Variants in HAS2 observed in about 807,000 individuals in gnomAD.
The protein encoded by HAS2 is hyaluronan synthase 2.
Under a neutral mutation model 51.6 loss-of-function variants are expected in HAS2, and 16 were observed. The observed-to-expected ratio is 0.31, with a 90% confidence interval of 0.21 to 0.47. HAS2 has a LOEUF of 0.47. Among genes scored for constraint, HAS2 ranks in the 20% least tolerant of loss-of-function variants. The pLI is 1.00. For missense variants in HAS2, 361 were observed against 662.6 expected, an observed-to-expected ratio of 0.54 and a Z score of 5.00; for synonymous variants, 228 against 235.5, an observed-to-expected ratio of 0.97 and a Z score of 0.29.
At chr8:121,637,064 T>C (rs1813019414) in intron 1 of HAS2, among the ~76,000 whole-genome samples, 1 of 152,226 alleles carries the variant, frequency 6.6e-6, no homozygotes, top group South Asian at 2.1e-4. Flanking sequence ...ATTAGATATA[T>C]GTATGTAAAC....
At position 121,622,625 on chromosome 8, in the gene HAS2, GGACA is replaced by G. The variant is rs527625044; in HGVS notation, c.628-5423_628-5420del. Among the ~76,000 whole-genome samples, 877 of 150,990 alleles carry G rather than the reference GGACA, an allele frequency of 5.8e-3. 5 individuals are homozygous for G. Among genetic ancestry groups the G allele is most frequent in the Non-Finnish European group, 8.6e-3 (584 of 67,822 alleles). On this transcript the variant is annotated intron_variant, in intron 2 of 3. Transcript: ENST00000303924. ...AGATTTGGGGGAAACAAAACAGTGA[GGACA>G]GAAGTTGACTTTATAAAGATGGAAT...
chr8:121,628,008 A>G (rs1044992148), intron 2 of HAS2, among the ~76,000 whole-genome samples: 14 of 152,278 alleles, frequency 9.2e-5, no homozygotes, highest in African/African-American at 2.9e-4. Context: ...GAACCCCTAT[A>G]GTGAGCTTTC....
intron 1 of HAS2, among the ~76,000 whole-genome samples, chr8:121,636,238 C>A (rs1813006284): frequency 6.6e-6 from 1 of 152,130 alleles, no homozygotes; most frequent in South Asian, 2.1e-4. Context: ...CACATTGATA[C>A]CCATCCCTGA....
At chr8:121,618,060 G>T (rs111558271) in intron 2 of HAS2, among the ~76,000 whole-genome samples, 156 of 151,098 alleles carry the variant, frequency 1.0e-3, no homozygotes, top group Middle Eastern at 3.4e-3. Context: ...AAAATTTTTG[G>T]AATTAGTTTA....
intron 2 of HAS2, among the ~76,000 whole-genome samples, chr8:121,627,272 T>A (rs982212476): frequency 6.6e-6 from 1 of 152,184 alleles, no homozygotes. Context: ...TAGCCTATTA[T>A]CCTCTCATCT....
intron 1 of HAS2, among the ~76,000 whole-genome samples, chr8:121,637,218 A>G (rs902602577): frequency 6.6e-6 from 1 of 152,148 alleles, no homozygotes; most frequent in African/African-American, 2.4e-5. Flanking sequence ...TATCTGCAGT[A>G]CAGATGTATT....
At chr8:121,617,073 AAAAC>A (rs752032301) in intron 3 of HAS2, 28 bp downstream of exon 3, 19 of 1,226,550 alleles carry the variant, frequency 1.5e-5, no homozygotes, top group Non-Finnish European at 2.2e-5. Context: ...TATTTCATGC[AAAAC>A]AAACAAACAA....
chr8:121,634,149 A>T (rs1350531548), intron 1 of HAS2, among the ~76,000 whole-genome samples: 2 of 151,646 alleles, frequency 1.3e-5, no homozygotes, highest in Non-Finnish European at 2.9e-5. Context: ...ACCTCAGGTG[A>T]TCCACCTGGT....
intron 2 of HAS2, among the ~76,000 whole-genome samples, chr8:121,622,809 G>A (rs1161261258): frequency 6.6e-6 from 1 of 151,710 alleles, no homozygotes; most frequent in African/African-American, 2.4e-5. Flanking sequence ...CTATTTATGT[G>A]AATTCTAGAT....
chr8:121,623,967 C>G (rs560171931), intron 2 of HAS2, among the ~76,000 whole-genome samples: 1 of 152,290 alleles, frequency 6.6e-6, no homozygotes, highest in South Asian at 2.1e-4. Flanking sequence ...GCCAGGAACA[C>G]TGAACTGGAA....
At chr8:121,618,002 C>CAAAA (rs11356339) in intron 2 of HAS2, among the ~76,000 whole-genome samples, 1 of 126,376 alleles carries the variant, frequency 7.9e-6, no homozygotes, top group Admixed American at 8.2e-5. Flanking sequence ...TTCTATGAGC[C>CAAAA]AAAAAAAAAA....
intron 2 of HAS2, among the ~76,000 whole-genome samples, chr8:121,627,108 A>G (rs949877047): frequency 7.2e-5 from 11 of 152,230 alleles, no homozygotes; most frequent in Non-Finnish European, 1.3e-4. Flanking sequence ...AAAAACCCTC[A>G]AACAATGAGG....
At position 121,613,949 on chromosome 8, in the gene HAS2, A is replaced by T; in HGVS notation, c.*160T>A. The T allele has an allele frequency of 3.0e-6, 3 of 999,626 alleles. No individual in the cohort carries two copies. The highest frequency in any genetic ancestry group is 4.4e-6 in the Non-Finnish European group (3 of 674,970). The allele number at this position is 999,626 out of a possible 1,614,324, so 61.9% of individuals were successfully genotyped here. On this transcript the variant is annotated 3_prime_UTR_variant, in exon 4 of 4. Coordinates refer to ENST00000303924, the MANE Select transcript of HAS2 (RefSeq NM_005328.3). ...TTTCTTCTTGTTGATGTATTGTTTT[A>T]CTTTGGCAGAATGAAAATAAACCCA...
chr8:121,627,297 A>T (rs573430363), intron 2 of HAS2, among the ~76,000 whole-genome samples: 1 of 152,300 alleles, frequency 6.6e-6, no homozygotes, highest in East Asian at 1.9e-4. Flanking sequence ...CCAAAGTTGT[A>T]CTATGTAAAT....
chr8:121,623,821 T>C (rs1436285780), intron 2 of HAS2, among the ~76,000 whole-genome samples: 4 of 152,156 alleles, frequency 2.6e-5, no homozygotes, highest in Admixed American at 2.0e-4. Context: ...AAGATAAAAA[T>C]AAACTTACTA....
intron 2 of HAS2, among the ~76,000 whole-genome samples, chr8:121,624,028 C>G (rs2130440122): frequency 6.6e-6 from 1 of 152,314 alleles, no homozygotes; most frequent in East Asian, 1.9e-4. Flanking sequence ...TTCCTCCGAA[C>G]CTCTGGCCAC....
At chr8:121,623,358 G>C (rs1812799985) in intron 2 of HAS2, among the ~76,000 whole-genome samples, 2 of 152,204 alleles carry the variant, frequency 1.3e-5, no homozygotes, top group Non-Finnish European at 2.9e-5. Context: ...GAAACCAAAT[G>C]CTGTCACCTC....
chr8:121,634,134 T>C (rs1368324702), intron 1 of HAS2, among the ~76,000 whole-genome samples: 1 of 151,954 alleles, frequency 6.6e-6, no homozygotes, highest in Non-Finnish European at 1.5e-5. Context: ...GGTCTGGAAC[T>C]CCTGACCTCA....
In HAS2 at chr8:121,613,515, A is replaced by G. The variant is rs1197418652; in HGVS notation, c.*594T>C. 6.6e-6 allele frequency: 1 copy of G among 152,632 alleles called. No individual in the cohort carries two copies. Among genetic ancestry groups the G allele is most frequent in the African/African-American group, 2.4e-5 (1 of 41,466 alleles). The allele number at this position is 152,632 out of a possible 1,614,324, so 9.5% of individuals were successfully genotyped here. A position where few individuals can be genotyped will look rare whatever the true frequency, so the allele number is the denominator to read the frequency against. ...TTTTTAAGAACTTATTTTATTTTAA[A>G]AAAGGAAGAACAGGTTTATTTTGGC... is the stretch of plus-strand genomic sequence containing the variant. On this transcript the variant is annotated 3_prime_UTR_variant, in exon 4 of 4. Transcript: ENST00000303924.
Sources: gnomAD v4.1 joint callset for allele counts (sites outside exome capture counted in the v4.1 genomes callset) on GRCh38, gnomAD v4.1.1 for gene constraint, MANE v1.5 for transcripts, NCBI Gene and HGNC (gene_info 2026-07-23, HGNC 2026-07-21) for gene names.